The following ADD3 variants were observed in gnomAD, a reference collection of about 807,000 sequenced individuals.
The protein encoded by ADD3 is gamma-adducin.
ADD3 carries 25 observed loss-of-function variants against 80.2 expected under a neutral mutation model. The observed-to-expected ratio is 0.31, with a 90% confidence interval of 0.23 to 0.44. ADD3 has a LOEUF of 0.44. Among genes scored for constraint, ADD3 ranks in the 20% least tolerant of loss-of-function variants. ADD3 has a pLI of 1.00. For missense variants in ADD3, 829 were observed against 847.5 expected (o/e 0.98, Z 0.27); for synonymous variants, 284 against 289.6 (o/e 0.98, Z 0.20).
chr10:110,061,674 A>G (rs1399327288), intron 1 of ADD3, among the ~76,000 whole-genome samples: 2 of 152,154 alleles, frequency 1.3e-5, no homozygotes, highest in Non-Finnish European at 2.9e-5. Context: ...GTATTGCTGT[A>G]TTATCTTTAT....
At chr10:110,089,136 A>G (rs926696893) in intron 1 of ADD3, among the ~76,000 whole-genome samples, 2 of 152,208 alleles carry the variant, frequency 1.3e-5, no homozygotes, top group Non-Finnish European at 2.9e-5. Flanking sequence ...GCAGTAAAGT[A>G]TGAAGTATGT....
chr10:110,093,611 T>G (rs760924458), intron 1 of ADD3, among the ~76,000 whole-genome samples: 5 of 152,166 alleles, frequency 3.3e-5, no homozygotes, highest in Non-Finnish European at 7.3e-5. Flanking sequence ...TGGACTTGAG[T>G]CAATTTAGTG....
intron 1 of ADD3, among the ~76,000 whole-genome samples, chr10:110,074,115 C>T (rs934560710): frequency 6.6e-6 from 1 of 152,136 alleles, no homozygotes; most frequent in African/African-American, 2.4e-5. Flanking sequence ...AACTTGTCTC[C>T]TCTCCTCCCC....
Position 110,095,517 on chromosome 10 carries a change from A to C in ADD3, c.-29-5108A>C, listed in dbSNP as rs1467073736. Among the ~76,000 whole-genome samples, 4 of 152,216 alleles carry C rather than the reference A, an allele frequency of 2.6e-5. No homozygotes were observed. The East Asian group carries it at 5.8e-4, about 22-fold the overall frequency. On this transcript the variant is annotated intron_variant, in intron 1 of 14. Coordinates refer to ENST00000356080, the MANE Select transcript of ADD3 (RefSeq NM_016824.5). ...TTCACTTACAATGTTTTCAAGGTTC[A>C]TCCATGCTGAAGCACATATCAGTAT...
intron 1 of ADD3, among the ~76,000 whole-genome samples, chr10:110,030,323 T>TAAA (rs551525504): frequency 1.7e-4 from 23 of 133,980 alleles, no homozygotes; most frequent in African/African-American, 6.2e-4. Context: ...AACTCCATCT[T>TAAA]AAAAAAAAAA....
chr10:110,127,947 A>G (rs1450321082), intron 12 of ADD3, among the ~76,000 whole-genome samples: 5 of 152,126 alleles, frequency 3.3e-5, no homozygotes, highest in African/African-American at 1.2e-4. Flanking sequence ...GATATAGAAT[A>G]GTTTAGAAAT....
intron 1 of ADD3, among the ~76,000 whole-genome samples, chr10:109,998,709 A>T (rs1042641561): frequency 2.5e-4 from 38 of 151,814 alleles, no homozygotes; most frequent in African/African-American, 9.2e-4. Flanking sequence ...ATCATACCAA[A>T]CTTGTTCCTG....
chr10:110,117,215 T>A, intron 4 of ADD3, 127 bp from the exon 5 acceptor site: 1 of 564,048 alleles, frequency 1.8e-6, no homozygotes, highest in Non-Finnish European at 3.1e-6. Context: ...AGACCTTTAA[T>A]TTTTGCTTTG....
upstream of ADD3, chr10:110,007,893 G>C (rs1221863715): frequency 6.7e-6 from 1 of 148,594 alleles, no homozygotes; most frequent in African/African-American, 2.5e-5. Context: ...GACCTTGGGG[G>C]CGTGACCGGG....
chr10:110,009,244 T>C (rs187357000), intron 1 of ADD3, among the ~76,000 whole-genome samples: 14 of 152,254 alleles, frequency 9.2e-5, no homozygotes, highest in African/African-American at 3.1e-4. Flanking sequence ...GGGAAGGAAT[T>C]GATAAGATTC....
intron 13 of ADD3, 62 bp downstream of exon 13, chr10:110,130,548 G>C: frequency 1.3e-6 from 2 of 1,561,842 alleles, no homozygotes; most frequent in East Asian, 2.3e-5. Context: ...AGTACCTCAC[G>C]TTGGATGATA....
At chr10:110,023,855 G>GT (rs1441079118) in intron 1 of ADD3, among the ~76,000 whole-genome samples, 1 of 152,148 alleles carries the variant, frequency 6.6e-6, no homozygotes, top group Non-Finnish European at 1.5e-5. Context: ...CCTATGCTGT[G>GT]TTTTTGCATT....
At chr10:110,080,201 T>C (rs1281176261) in intron 1 of ADD3, among the ~76,000 whole-genome samples, 4 of 152,148 alleles carry the variant, frequency 2.6e-5, no homozygotes. Context: ...TGAAAGAACA[T>C]TGGGTTCAAA....
chr10:110,028,208 C>A lies in ADD3; in HGVS notation c.-30+19909C>A, dbSNP rs571934211. 3.9e-5 allele frequency among the ~76,000 whole-genome samples: 6 copies of A among 152,282 alleles called. No homozygotes were observed. In the South Asian group the frequency reaches 1.2e-3, roughly 32 times the overall value. ...AAATGCTTGCTGATTATTTACATCCCTGACCCCCATCTCCCCTTATGAGAC... is the reference window on the plus strand; with the variant it reads ...AAATGCTTGCTGATTATTTACATCCATGACCCCCATCTCCCCTTATGAGAC... On this transcript the variant is annotated intron_variant, in intron 1 of 14. Transcript: ENST00000356080.
chr10:110,031,111 CT>C (rs1370160268), intron 1 of ADD3, among the ~76,000 whole-genome samples: 5 of 152,186 alleles, frequency 3.3e-5, no homozygotes, highest in African/African-American at 1.2e-4. Context: ...ACTGTCTCTA[CT>C]AAAACTACAA....
chr10:110,122,261 T>C lies in ADD3; in HGVS notation c.1112T>C (p.Phe371Ser). The C allele has an allele frequency of 6.2e-7, 1 of 1,614,084 alleles. No homozygotes were observed. Among genetic ancestry groups the C allele is most frequent in the Non-Finnish European group, 8.5e-7 (1 of 1,179,982 alleles). Residue 371 changes from phenylalanine to serine, a missense_variant, in exon 9 of 15, where the codon TTT becomes TCT. Coordinates refer to ENST00000356080, the MANE Select transcript of ADD3 (RefSeq NM_016824.5). ...HQKWKVGEIE[F>S]EGLMRTLDNL... The stretch of plus-strand genomic sequence containing the variant: ...AAATGGAAGGTTGGCGAAATTGAGT[T>C]TGAAGGGCTTATGAGGACTCTGGAC...
At chr10:110,080,239 G>A (rs1175014157) in intron 1 of ADD3, among the ~76,000 whole-genome samples, 2 of 152,190 alleles carry the variant, frequency 1.3e-5, no homozygotes, top group Non-Finnish European at 2.9e-5. Flanking sequence ...TGGTATTGGG[G>A]TGGGTCACCT....
At chr10:109,999,914 A>G (rs1439897929) in intron 1 of ADD3, among the ~76,000 whole-genome samples, 4 of 148,636 alleles carry the variant, frequency 2.7e-5, no homozygotes, top group African/African-American at 1.0e-4. Context: ...CTATGTCTTA[A>G]GGTTGTTTTT....
chr10:110,093,358 C>T (rs1017052842), intron 1 of ADD3, among the ~76,000 whole-genome samples: 3 of 152,160 alleles, frequency 2.0e-5, no homozygotes, highest in Non-Finnish European at 2.9e-5. Context: ...CTTGTCTTAA[C>T]TCTTTAGGTC....
Sources: allele counts gnomAD v4.1 joint callset (sites outside exome capture counted in the v4.1 genomes callset), GRCh38; gene constraint gnomAD v4.1.1; transcripts MANE v1.5; gene names NCBI Gene and HGNC (gene_info 2026-07-23, HGNC 2026-07-21).